The following ALG9 variants were observed in gnomAD, a reference collection of about 807,000 sequenced individuals.
The protein encoded by ALG9 is ALG9 alpha-1,2-mannosyltransferase, also known as alpha-1,2-mannosyltransferase ALG9.
A neutral mutation model predicts 81.8 loss-of-function variants in ALG9; 55 were observed. The ratio of observed to expected loss-of-function variants is 0.67; its 90% CI spans 0.54 to 0.84. The LOEUF (loss-of-function observed/expected upper bound fraction) is 0.84. ALG9 is among the 40% of genes least tolerant of loss of function. The probability of loss-of-function intolerance (pLI) is 0.00; values close to 1 mark genes in which losing one functional copy is unlikely to be tolerated. For missense variants in ALG9, 629 were observed against 745.0 expected, an observed-to-expected ratio of 0.84 and a Z score of 1.81; for synonymous variants, 278 against 274.3, an observed-to-expected ratio of 1.01 and a Z score of -0.13.
At chr11:111,871,018 A>G (rs996663014) in intron 1 of ALG9, 2 of 1,057,026 alleles carry the variant, frequency 1.9e-6, no homozygotes, top group Middle Eastern at 4.3e-4. Context: ...GAGGGAGAAT[A>G]AAAGGAGCTG....
intron 2 of ALG9, among the ~76,000 whole-genome samples, chr11:111,869,521 G>A (rs1210551958): frequency 6.6e-6 from 1 of 152,010 alleles, no homozygotes. Flanking sequence ...GGAATAGAAA[G>A]CTACTGTTTT....
intron 13 of ALG9, among the ~76,000 whole-genome samples, chr11:111,812,385 C>G (rs1055831506): frequency 3.9e-5 from 6 of 152,076 alleles, no homozygotes; most frequent in African/African-American, 2.4e-5. Context: ...CTAGGCAAGA[C>G]AGTGAGACTC....
intron 6 of ALG9, among the ~76,000 whole-genome samples, chr11:111,857,005 G>A (rs951080319): frequency 2.0e-5 from 3 of 152,190 alleles, no homozygotes; most frequent in Non-Finnish European, 2.9e-5. Flanking sequence ...TACTTGGGGG[G>A]CTGAGGCAGG....
At chr11:111,802,854 A>C (rs556002539) in intron 14 of ALG9, among the ~76,000 whole-genome samples, 2 of 152,236 alleles carry the variant, frequency 1.3e-5, no homozygotes, top group South Asian at 4.2e-4. Context: ...GCTCTCCTCA[A>C]TTATTTCACA....
At chr11:111,850,113 A>C (rs1957532788) in intron 8 of ALG9, among the ~76,000 whole-genome samples, 1 of 152,214 alleles carries the variant, frequency 6.6e-6, no homozygotes, top group African/African-American at 2.4e-5. Flanking sequence ...ATTAGCTGAC[A>C]ATCATGAAGT....
In ALG9 at chr11:111,783,257, C is replaced by G. The variant is rs781914413; in HGVS notation, c.*3140G>C. The G allele has an allele frequency of 2.6e-5, 4 of 152,234 alleles. No individual in the cohort carries two copies. Among genetic ancestry groups the G allele is most frequent in the Non-Finnish European group, 5.9e-5 (4 of 68,134 alleles). The allele number at this position is 152,234 out of a possible 1,614,324, so 9.4% of individuals were successfully genotyped here. ...TGATTACAAGGTCAGGAGTTTAAGA[C>G]CAGCCTGGCCAACATGGTAAAACCC... On this transcript the variant is annotated 3_prime_UTR_variant, in exon 15 of 15. Transcript: ENST00000616540.
At chr11:111,828,596 A>T (rs1210350920) in intron 13 of ALG9, among the ~76,000 whole-genome samples, 2 of 152,214 alleles carry the variant, frequency 1.3e-5, no homozygotes, top group African/African-American at 4.8e-5. Context: ...AAGAGGCCTG[A>T]AGGCAAAGAG....
chr11:111,796,730 T>C (rs1365881737), intron 14 of ALG9, among the ~76,000 whole-genome samples: 4 of 152,170 alleles, frequency 2.6e-5, no homozygotes, highest in Admixed American at 6.5e-5. Context: ...TAAAAGTTGA[T>C]AAATACCAAA....
intron 8 of ALG9, among the ~76,000 whole-genome samples, chr11:111,853,050 T>G (rs1182617348): frequency 1.5e-4 from 22 of 149,146 alleles, no homozygotes; most frequent in African/African-American, 5.2e-4. Context: ...ACTGATTTTT[T>G]AATAAGAAGA....
intron 4 of ALG9, among the ~76,000 whole-genome samples, chr11:111,861,501 ACT>A (rs1167737680): frequency 6.6e-6 from 1 of 151,754 alleles, no homozygotes; most frequent in African/African-American, 2.4e-5. Context: ...ATAGAGTCAT[ACT>A]CTCTGTCGCT....
chr11:111,781,919 A>G (rs1555057149), downstream of ALG9, among the ~76,000 whole-genome samples: 2 of 152,330 alleles, frequency 1.3e-5, no homozygotes, highest in East Asian at 3.9e-4. Context: ...GTGCTGTGAT[A>G]ACAGGCGTGA....
intron 3 of ALG9, among the ~76,000 whole-genome samples, chr11:111,868,323 C>G (rs999654269): frequency 5.9e-5 from 9 of 152,248 alleles, no homozygotes; most frequent in Non-Finnish European, 1.0e-4. Flanking sequence ...TAAGACCCAC[C>G]ATATTTAGAA....
intron 13 of ALG9, among the ~76,000 whole-genome samples, chr11:111,812,376 T>C (rs937399552): frequency 1.3e-5 from 2 of 152,118 alleles, no homozygotes; most frequent in Non-Finnish European, 2.9e-5. Flanking sequence ...GAGATAAGCC[T>C]AGGCAAGACA....
At chr11:111,844,923 G>T (rs1956745005) in intron 8 of ALG9, among the ~76,000 whole-genome samples, 200 bp from the exon 9 acceptor site, 1 of 152,186 alleles carries the variant, frequency 6.6e-6, no homozygotes, top group African/African-American at 2.4e-5. Flanking sequence ...GATTGGTCAT[G>T]AGGATTTAGG....
At chr11:111,855,676 T>C (rs1302148585) in intron 6 of ALG9, among the ~76,000 whole-genome samples, 1 of 152,146 alleles carries the variant, frequency 6.6e-6, no homozygotes, top group East Asian at 1.9e-4. Context: ...TCAGCAGCTA[T>C]CTACTAAGCA....
the ALG9 span, among the ~76,000 whole-genome samples, chr11:111,776,645 A>G: frequency 6.6e-6 from 1 of 152,116 alleles, no homozygotes; most frequent in Non-Finnish European, 1.5e-5. Context: ...ACCCTCCTAA[A>G]CCTAAAACCA....
intron 13 of ALG9, among the ~76,000 whole-genome samples, chr11:111,824,129 T>C (rs1952856552): frequency 6.6e-6 from 1 of 152,212 alleles, no homozygotes; most frequent in Admixed American, 6.5e-5. Flanking sequence ...TCTTCTGTTT[T>C]ACAATAACAA....
At position 111,842,073 on chromosome 11, in the gene ALG9, T is replaced by A. The variant is rs111610432; in HGVS notation, c.1019-1264A>T. On this transcript the variant is annotated intron_variant, in intron 9 of 14. Transcript: ENST00000616540. ...CAACACACCAGGCTAACTGTTGTAT[T>A]TTTAGTGGAGATGGGGTTTCACAGT... 6.4e-3 allele frequency among the ~76,000 whole-genome samples: 978 copies of A among 152,170 alleles called. 10 individuals carry two copies. The highest frequency in any genetic ancestry group is 0.022 in the African/African-American group (912 of 41,532).
chr11:111,780,142 G>C (rs1339956418), downstream of ALG9, among the ~76,000 whole-genome samples: 1 of 152,134 alleles, frequency 6.6e-6, no homozygotes, highest in Non-Finnish European at 1.5e-5. Flanking sequence ...CTCACACCTG[G>C]AGGAGAGGCT....
Sources: allele counts gnomAD v4.1 joint callset (sites outside exome capture counted in the v4.1 genomes callset), GRCh38; gene constraint gnomAD v4.1.1; transcripts MANE v1.5; gene names NCBI Gene and HGNC (gene_info 2026-07-23, HGNC 2026-07-21).